The following RBBP5 variants were observed in gnomAD, a reference collection of about 807,000 sequenced individuals.
The protein encoded by RBBP5 is retinoblastoma-binding protein 5.
Under a neutral mutation model 72.2 loss-of-function variants are expected in RBBP5, and 5 were observed. The observed-to-expected ratio is 0.07, with a 90% CI of 0.04 to 0.15. The LOEUF is 0.15. Among genes scored for constraint, RBBP5 ranks in the 10% least tolerant of loss-of-function variants. The probability of loss-of-function intolerance (pLI) is 1.00; values close to 1 mark genes in which losing one functional copy is unlikely to be tolerated. For missense variants in RBBP5, 322 were observed against 652.2 expected, an observed-to-expected ratio of 0.49 and a Z score of 5.51; for synonymous variants, 209 against 237.2, an observed-to-expected ratio of 0.88 and a Z score of 1.09.
rs145250112 is a variant in RBBP5, at chr1:205,104,479, T to C, written c.360-460A>G. On this transcript the variant is annotated intron_variant, in intron 4 of 13. Transcript: ENST00000264515. ...AGGAGGGTGCAGTAAGCTGAGACTG[T>C]GCCATTGCACTCCAGCTAGAGCGTC... is the stretch of plus-strand genomic sequence containing the variant. Among the ~76,000 whole-genome samples the C allele has an allele frequency of 1.1e-3, 165 of 151,848 alleles. 1 individual carries two copies. The highest frequency in any genetic ancestry group is 3.7e-3 in the African/African-American group (155 of 41,402).
intron 10 of RBBP5, 125 bp downstream of exon 10, chr1:205,098,864 A>AT: frequency 7.7e-6 from 4 of 518,074 alleles, no homozygotes; most frequent in Non-Finnish European, 6.5e-6. Context: ...AAAAAAAAAA[A>AT]GTGTGGGGTG....
intron 13 of RBBP5, among the ~76,000 whole-genome samples, chr1:205,093,480 ATATAT>A (rs1655457421): frequency 5.1e-4 from 4 of 7,776 alleles, no homozygotes; most frequent in Non-Finnish European, 1.3e-3. Flanking sequence ...AAAAAAAAAA[ATATAT>A]ATATATATAT....
At chr1:205,094,398 G>A (rs1655532533) in intron 13 of RBBP5, among the ~76,000 whole-genome samples, 1 of 152,126 alleles carries the variant, frequency 6.6e-6, no homozygotes, top group South Asian at 2.1e-4. Context: ...ATTTGAAGAG[G>A]GAGAGAAAAG....
intron 12 of RBBP5, among the ~76,000 whole-genome samples, chr1:205,096,179 C>T (rs919813842): frequency 4.0e-5 from 6 of 151,480 alleles, no homozygotes; most frequent in Admixed American, 3.9e-4. Flanking sequence ...GGCAACAGAG[C>T]GAGACCCTGT....
chr1:205,116,588 T>C (rs1026012185), intron 1 of RBBP5, among the ~76,000 whole-genome samples: 1 of 152,146 alleles, frequency 6.6e-6, no homozygotes, highest in Admixed American at 6.5e-5. Context: ...GGAGGCCAAG[T>C]TGCGGCAGAT....
intron 13 of RBBP5, among the ~76,000 whole-genome samples, chr1:205,093,226 G>C (rs1250237965): frequency 6.6e-6 from 1 of 151,478 alleles, no homozygotes; most frequent in Admixed American, 6.6e-5. Context: ...CTGGGAAGCT[G>C]AGGTGGGTGG....
At chr1:205,111,217 G>T (rs1250927035) in intron 3 of RBBP5, among the ~76,000 whole-genome samples, 1 of 152,168 alleles carries the variant, frequency 6.6e-6, no homozygotes, top group East Asian at 1.9e-4. Context: ...ACTGTAATGA[G>T]AACTCATAGA....
intron 5 of RBBP5, 103 bp downstream of exon 5, chr1:205,103,754 G>A (rs184093530): frequency 7.4e-7 from 1 of 1,345,080 alleles, no homozygotes; most frequent in Non-Finnish European, 1.0e-6. Context: ...GAAAGGAGCT[G>A]TGCTTAGTCC....
At chr1:205,111,231 A>C (rs904571239) in intron 3 of RBBP5, among the ~76,000 whole-genome samples, 1 of 152,202 alleles carries the variant, frequency 6.6e-6, no homozygotes, top group African/African-American at 2.4e-5. Flanking sequence ...TCATAGACCA[A>C]ATGCCCTTTG....
At position 205,086,941 on chromosome 1, in the gene RBBP5, C is replaced by T. The variant is rs1031545759; in HGVS notation, c.*1846G>A. On this transcript the variant is annotated 3_prime_UTR_variant, in exon 14 of 14. Transcript: ENST00000264515. ...AAAAACATGTCTAGTGAGCCATCTA[C>T]TAATCTCAACCACTGGTCTAACTCA... is the stretch of plus-strand genomic sequence containing the variant. 3 of 152,346 alleles carry T rather than the reference C, an allele frequency of 2.0e-5. No homozygotes were observed. Among genetic ancestry groups the T allele is most frequent in the Non-Finnish European group, 1.5e-5 (1 of 68,038 alleles). The allele number at this position is 152,346 out of a possible 1,614,324, so 9.4% of individuals were successfully genotyped here. A position where few individuals can be genotyped will look rare whatever the true frequency, so the allele number is the denominator to read the frequency against.
intron 1 of RBBP5, among the ~76,000 whole-genome samples, chr1:205,118,651 A>C (rs899377342): frequency 6.6e-6 from 1 of 152,106 alleles, no homozygotes; most frequent in Non-Finnish European, 1.5e-5. Context: ...AGAAAAGAAA[A>C]GAAACTATCA....
At chr1:205,114,491 T>C (rs1413341113) in intron 3 of RBBP5, among the ~76,000 whole-genome samples, 7 of 152,228 alleles carry the variant, frequency 4.6e-5, no homozygotes, top group Non-Finnish European at 7.3e-5. Flanking sequence ...CCGAGACTTT[T>C]TATTCTAAAT....
intron 3 of RBBP5, among the ~76,000 whole-genome samples, chr1:205,109,397 T>C (rs1002493485): frequency 6.6e-6 from 1 of 151,860 alleles, no homozygotes; most frequent in Admixed American, 6.6e-5. Context: ...GCAGAAGAAA[T>C]AGCCCCCAAA....
intron 3 of RBBP5, among the ~76,000 whole-genome samples, chr1:205,111,480 C>T (rs540453942): frequency 2.0e-5 from 3 of 152,332 alleles, no homozygotes; most frequent in South Asian, 4.1e-4. Context: ...CCACTTCCCC[C>T]TCAAATCTTC....
Position 205,088,610 on chromosome 1 carries a change from G to T in RBBP5, c.*177C>A. ...TATGCTTGAAAGGGAAGGGAAGGTCGTATACTCTTCTTCCATAATTCACTT... is the reference window on the plus strand; with the variant it reads ...TATGCTTGAAAGGGAAGGGAAGGTCTTATACTCTTCTTCCATAATTCACTT... On this transcript the variant is annotated 3_prime_UTR_variant, in exon 14 of 14. Coordinates refer to ENST00000264515, the MANE Select transcript of RBBP5 (RefSeq NM_005057.4). 1 of 611,436 alleles carries T rather than the reference G, an allele frequency of 1.6e-6. No individual in the cohort carries two copies. The highest frequency in any genetic ancestry group is 2.8e-6 in the Non-Finnish European group (1 of 351,390). 37.9% of individuals were successfully genotyped at this position (611,436 alleles called of 1,614,324 possible). A position where few individuals can be genotyped will look rare whatever the true frequency, so the allele number is the denominator to read the frequency against.
chr1:205,101,828 A>T, intron 5 of RBBP5, 119 bp from the exon 6 acceptor site: 2 of 655,032 alleles, frequency 3.1e-6, no homozygotes, highest in South Asian at 4.3e-5. Context: ...CTATTCCCAT[A>T]TATTTGACCT....
intron 1 of RBBP5, among the ~76,000 whole-genome samples, chr1:205,120,779 T>TAA (rs35836514): frequency 4.4e-5 from 6 of 137,716 alleles, no homozygotes; most frequent in Non-Finnish European, 4.8e-5. Context: ...GAGGCTGTCT[T>TAA]AAAAAAAAAA....
At chr1:205,102,188 G>A (rs898625962) in intron 5 of RBBP5, among the ~76,000 whole-genome samples, 2 of 152,084 alleles carry the variant, frequency 1.3e-5, no homozygotes, top group African/African-American at 4.8e-5. Flanking sequence ...TCACCACCAC[G>A]CCTGGCCAAT....
chr1:205,109,256 T>C (rs1281671340), intron 3 of RBBP5, among the ~76,000 whole-genome samples: 2 of 151,388 alleles, frequency 1.3e-5, no homozygotes. Context: ...GATAGGAGGG[T>C]AAAAGGGTGG....
Sources: gnomAD v4.1 joint callset for allele counts (sites outside exome capture counted in the v4.1 genomes callset) on GRCh38, gnomAD v4.1.1 for gene constraint, MANE v1.5 for transcripts, NCBI Gene and HGNC (gene_info 2026-07-23, HGNC 2026-07-21) for gene names.